The following MLLT10 variants were observed in gnomAD, a reference collection of about 807,000 sequenced individuals.
MLLT10 encodes the protein MLLT10 histone lysine methyltransferase DOT1L cofactor.
MLLT10 carries 30 observed loss-of-function variants against 129.1 expected under a neutral mutation model. That is an observed-to-expected ratio of 0.23 (90% confidence interval 0.17 to 0.32). MLLT10 has a LOEUF of 0.32. Among genes scored for constraint, MLLT10 ranks in the 10% least tolerant of loss-of-function variants. The probability of loss-of-function intolerance (pLI) is 1.00; values close to 1 mark genes in which losing one functional copy is unlikely to be tolerated. For synonymous variants in MLLT10, 490 were observed against 446.4 expected, an observed-to-expected ratio of 1.10 and a Z score of -1.23; for missense variants, 1,119 against 1,268.3, an observed-to-expected ratio of 0.88 and a Z score of 1.79.
intron 21 of MLLT10, among the ~76,000 whole-genome samples, chr10:21,737,942 T>C (rs1285018127): frequency 6.6e-6 from 1 of 152,130 alleles, no homozygotes; most frequent in Non-Finnish European, 1.5e-5. Flanking sequence ...TTTAGAGTGG[T>C]GTTAAAGGCA....
chr10:21,688,534 C>T (rs759255290), intron 13 of MLLT10: 6 of 1,611,724 alleles, frequency 3.7e-6, no homozygotes, highest in South Asian at 3.3e-5. Context: ...AACTTAAATT[C>T]ATAGGTATGT....
At chr10:21,595,713 T>A (rs2042963299) in intron 5 of MLLT10, 1 of 285,904 alleles carries the variant, frequency 3.5e-6, no homozygotes. Context: ...ATTGGTGCTT[T>A]ATGAATTACT....
intron 13 of MLLT10, among the ~76,000 whole-genome samples, chr10:21,687,971 CT>C: frequency 6.6e-6 from 1 of 152,298 alleles, no homozygotes; most frequent in South Asian, 2.1e-4. Flanking sequence ...ATAGGTAAGA[CT>C]TTTTCCATTT....
chr10:21,693,594 A>C (rs77150124), intron 13 of MLLT10, among the ~76,000 whole-genome samples: 1 of 152,130 alleles, frequency 6.6e-6, no homozygotes, highest in African/African-American at 2.4e-5. Flanking sequence ...TGATATGTCT[A>C]TGTATGACTT....
intron 3 of MLLT10, 41 bp from the exon 4 acceptor site, chr10:21,586,253 T>G (rs774234122): frequency 2.8e-6 from 4 of 1,451,504 alleles, no homozygotes; most frequent in Non-Finnish European, 3.8e-6. Flanking sequence ...TTTTTGATAA[T>G]CTGAAATATT....
At position 21,591,039 on chromosome 10, in the gene MLLT10, T is replaced by A. The variant is rs147914712; in HGVS notation, c.296-4292T>A. ...TTTATTGAATCCCACAAGTTGTGTT[T>A]TTTTGTTTTTGTTTTTGTTTTTGCT... On this transcript the variant is annotated intron_variant, in intron 4 of 22. Transcript: ENST00000307729. Among the ~76,000 whole-genome samples, 1,021 of 152,184 alleles carry A rather than the reference T, an allele frequency of 6.7e-3. 14 individuals carry two copies. Among genetic ancestry groups the A allele is most frequent in the Middle Eastern group, 0.017 (5 of 294 alleles).
upstream of MLLT10, chr10:21,534,175 C>T (rs1013804969): frequency 5.2e-6 from 2 of 386,622 alleles, no homozygotes; most frequent in Non-Finnish European, 4.6e-6. Flanking sequence ...CGCGGCAGCG[C>T]GCACGCAGGG....
chr10:21,626,052 G>T, intron 8 of MLLT10: 2 of 1,431,970 alleles, frequency 1.4e-6, no homozygotes, highest in Non-Finnish European at 2.0e-6. Flanking sequence ...TTTCTCTCAA[G>T]CAAGGCCTTG....
chr10:21,538,933 A>C, intron 3 of MLLT10, 21 bp downstream of exon 3: 1 of 1,580,070 alleles, frequency 6.3e-7, no homozygotes, highest in Middle Eastern at 1.7e-4. Flanking sequence ...TTTATCAAAA[A>C]CATTAAACTT....
At chr10:21,708,665 T>C (rs2055776990) in intron 13 of MLLT10, 1 of 985,106 alleles carries the variant, frequency 1.0e-6, no homozygotes, top group Non-Finnish European at 1.2e-6. Context: ...TATGTAAGTA[T>C]ACGTTGATGT....
chr10:21,651,974 A>G (rs2049089266), intron 9 of MLLT10, among the ~76,000 whole-genome samples: 1 of 129,278 alleles, frequency 7.7e-6, no homozygotes, highest in Non-Finnish European at 1.5e-5. Flanking sequence ...GTGCTGTGGC[A>G]CAATCTCAGC....
chr10:21,649,157 C>T (rs2048782600), intron 8 of MLLT10, among the ~76,000 whole-genome samples: 1 of 152,150 alleles, frequency 6.6e-6, no homozygotes, highest in Non-Finnish European at 1.5e-5. Flanking sequence ...TTCACTGCAG[C>T]CTCAACCTTC....
chr10:21,743,515 AAC>A lies in MLLT10; in HGVS notation c.*1534_*1535del, dbSNP rs1833921062. The stretch of plus-strand genomic sequence containing the variant: ...TTTAACCCACTGGTTGTTATTCTGT[AAC>A]AGTTTGTATAAATGGTAAATTTTGA... On this transcript the variant is annotated 3_prime_UTR_variant, in exon 23 of 23. Transcript: ENST00000307729. 5.4e-6 allele frequency: 1 copy of A among 186,040 alleles called. No homozygotes were observed. The highest frequency in any genetic ancestry group is 1.1e-5 in the Non-Finnish European group (1 of 87,716). The allele number at this position is 186,040 out of a possible 1,614,324, so 11.5% of individuals were successfully genotyped here. A position where few individuals can be genotyped will look rare whatever the true frequency, so the allele number is the denominator to read the frequency against.
intron 14 of MLLT10, among the ~76,000 whole-genome samples, chr10:21,720,526 A>G (rs1038215790): frequency 1.3e-5 from 2 of 152,212 alleles, no homozygotes; most frequent in Non-Finnish European, 2.9e-5. Context: ...TTTGCTGGAA[A>G]CTTTTCTAAT....
At chr10:21,587,936 A>G (rs976240042) in intron 4 of MLLT10, among the ~76,000 whole-genome samples, 4 of 152,216 alleles carry the variant, frequency 2.6e-5, no homozygotes, top group Non-Finnish European at 5.9e-5. Context: ...TCTTTTGCAT[A>G]TTCAAATGTG....
intron 13 of MLLT10, among the ~76,000 whole-genome samples, chr10:21,704,096 G>A (rs2055223224): frequency 8.0e-6 from 1 of 124,340 alleles, no homozygotes; most frequent in Non-Finnish European, 1.6e-5. Flanking sequence ...TGCAGCCTCT[G>A]CCCCCTAGGT....
At chr10:21,636,477 T>C (rs1237107026) in intron 8 of MLLT10, among the ~76,000 whole-genome samples, 1 of 152,216 alleles carries the variant, frequency 6.6e-6, no homozygotes, top group East Asian at 1.9e-4. Context: ...TCTTTATATA[T>C]GTATATGTCT....
intron 8 of MLLT10, among the ~76,000 whole-genome samples, chr10:21,623,009 C>A (rs2046048786): frequency 6.6e-6 from 1 of 152,206 alleles, no homozygotes; most frequent in African/African-American, 2.4e-5. Context: ...GTGAAGGATA[C>A]AGCTCAGGAA....
At chr10:21,570,233 T>TGC (rs1170098884) in intron 3 of MLLT10, among the ~76,000 whole-genome samples, 70 of 151,448 alleles carry the variant, frequency 4.6e-4, no homozygotes, top group African/African-American at 1.7e-3. Context: ...TGTGTGTGTG[T>TGC]GTGCGCGCGT....
Sources: allele counts gnomAD v4.1 joint callset (sites outside exome capture counted in the v4.1 genomes callset), GRCh38; gene constraint gnomAD v4.1.1; transcripts MANE v1.5; gene names NCBI Gene and HGNC (gene_info 2026-07-23, HGNC 2026-07-21).